Variants in NRCAM observed in about 807,000 individuals in gnomAD.
NRCAM encodes the protein neuronal cell adhesion molecule, also known as NgCAM-related cell adhesion molecule.
Under a neutral mutation model 156.5 loss-of-function variants are expected in NRCAM, and 83 were observed. The ratio of observed to expected loss-of-function variants is 0.53; its 90% CI spans 0.44 to 0.64. NRCAM has a LOEUF of 0.64. Ranked by LOEUF, NRCAM falls within the 30% of genes least tolerant of loss-of-function variation. The pLI, the probability that NRCAM is intolerant of heterozygous loss-of-function variation, is 0.00. For missense variants in NRCAM, 1,417 were observed against 1,597.3 expected (o/e 0.89, Z 1.92); for synonymous variants, 538 against 563.9 (o/e 0.95, Z 0.65).
intron 3 of NRCAM, among the ~76,000 whole-genome samples, chr7:108,285,159 T>G (rs1221266428): frequency 2.0e-5 from 3 of 152,168 alleles, no homozygotes; most frequent in Non-Finnish European, 2.9e-5. Flanking sequence ...TATTCCTCAG[T>G]CTCCTCCCTC....
chr7:108,231,030 C>A lies in NRCAM; in HGVS notation c.550+1G>T, dbSNP rs1473192200. 6.2e-7 allele frequency: 1 copy of A among 1,601,822 alleles called. No individual in the cohort carries two copies. The highest frequency in any genetic ancestry group is 8.5e-7 in the Non-Finnish European group (1 of 1,170,780). On this transcript the variant is annotated splice_donor_variant, in intron 8 of 32. Coordinates refer to ENST00000379028, the MANE Select transcript of NRCAM (RefSeq NM_001037132.4). LOFTEE classifies it high-confidence loss of function. ...AGAAAGTTCATATTATCAAAACTTA[C>A]AATTATCCATCCAAAATATTATAGG...
At chr7:108,280,370 A>T (rs982506065) in intron 3 of NRCAM, among the ~76,000 whole-genome samples, 2 of 152,222 alleles carry the variant, frequency 1.3e-5, no homozygotes, top group African/African-American at 4.8e-5. Flanking sequence ...TGCAGTTTTG[A>T]TAAGTAAATA....
upstream of NRCAM, chr7:108,456,691 A>T (rs1377682635): frequency 2.0e-5 from 3 of 152,116 alleles, no homozygotes; most frequent in Admixed American, 6.5e-5. Flanking sequence ...CCCCACCGCC[A>T]ACCTCCGTCA....
chr7:108,277,590 T>A (rs993471330), intron 3 of NRCAM, among the ~76,000 whole-genome samples: 5 of 152,088 alleles, frequency 3.3e-5, no homozygotes, highest in Admixed American at 6.5e-5. Context: ...CTCCATCAGG[T>A]CATTTGAGGT....
At chr7:108,271,450 C>A (rs1251268469) in intron 3 of NRCAM, among the ~76,000 whole-genome samples, 1 of 152,134 alleles carries the variant, frequency 6.6e-6, no homozygotes, top group Admixed American at 6.5e-5. Context: ...GTAATCCCAG[C>A]ACTTTGGGAG....
intron 28 of NRCAM, among the ~76,000 whole-genome samples, chr7:108,174,139 T>C (rs987117838): frequency 1.3e-5 from 2 of 152,244 alleles, no homozygotes; most frequent in African/African-American, 2.4e-5. Flanking sequence ...TACAAATAAA[T>C]AGAAGTAAGT....
rs59391934 is a variant in NRCAM at position 108,177,624 on chromosome 7, AATATATATATATATATAT to A, written c.2974+348_2974+365del. On this transcript the variant is annotated intron_variant, in intron 26 of 32. Transcript: ENST00000379028. ...GGTGACAGAGCGAGACTCCATCTCA[AATATATATATATATATAT>A]ATATATATATATATATATGTATATA... 4.8e-4 allele frequency among the ~76,000 whole-genome samples: 39 copies of A among 80,616 alleles called. 1 individual carries two copies. Among genetic ancestry groups the A allele is most frequent in the South Asian group, 4.7e-4 (1 of 2,120 alleles). The allele number at this position is 80,616 out of a possible 152,430, so 52.9% of individuals were successfully genotyped here.
chr7:108,158,673 G>GA (rs2046964037), intron 32 of NRCAM, among the ~76,000 whole-genome samples: 1 of 151,584 alleles, frequency 6.6e-6, no homozygotes, highest in Non-Finnish European at 1.5e-5. Flanking sequence ...CTTCTAAAAA[G>GA]AAAAAAACAA....
At chr7:108,344,358 C>T (rs750341158) in intron 2 of NRCAM, among the ~76,000 whole-genome samples, 1 of 152,080 alleles carries the variant, frequency 6.6e-6, no homozygotes, top group Non-Finnish European at 1.5e-5. Flanking sequence ...AATCATCTAT[C>T]GCCTGAGAGC....
chr7:108,265,122 G>A (rs1244899481), intron 3 of NRCAM, among the ~76,000 whole-genome samples: 3 of 152,182 alleles, frequency 2.0e-5, no homozygotes, highest in Non-Finnish European at 4.4e-5. Context: ...CTCATACAGG[G>A]CTTTGGGAGA....
At position 108,239,068 on chromosome 7, in the gene NRCAM, T is replaced by C. The variant is rs979713721; in HGVS notation, c.106+891A>G. Among the ~76,000 whole-genome samples, 6 of 152,178 alleles carry C rather than the reference T, an allele frequency of 3.9e-5. No individual in the cohort carries two copies. The East Asian group carries it at 7.7e-4, about 20-fold the overall frequency. On this transcript the variant is annotated intron_variant, in intron 4 of 32. Transcript: ENST00000379028. ...GAAGCTAATGGCTTCAAAGAGGTCA[T>C]GCAGATGAGGGATAAAGGAGAAATC...
At chr7:108,189,878 A>C in intron 19 of NRCAM, 132 bp from the exon 20 acceptor site, 1 of 551,738 alleles carries the variant, frequency 1.8e-6, no homozygotes, top group South Asian at 2.5e-5. Context: ...CATGCAACTG[A>C]AAGGAAATGT....
At chr7:108,404,586 C>CT (rs1238062856) in intron 1 of NRCAM, among the ~76,000 whole-genome samples, 1 of 152,134 alleles carries the variant, frequency 6.6e-6, no homozygotes, top group Non-Finnish European at 1.5e-5. Context: ...ATCCACTGAC[C>CT]CATATGCAGG....
intron 3 of NRCAM, among the ~76,000 whole-genome samples, chr7:108,265,942 G>A (rs1380246129): frequency 2.6e-5 from 4 of 152,232 alleles, no homozygotes; most frequent in Non-Finnish European, 5.9e-5. Flanking sequence ...AAAGCCAGTG[G>A]TCATGAAAGT....
At chr7:108,422,318 TTA>T (rs1811064796) in intron 1 of NRCAM, among the ~76,000 whole-genome samples, 1 of 152,188 alleles carries the variant, frequency 6.6e-6, no homozygotes, top group African/African-American at 2.4e-5. Flanking sequence ...TTTACATGGA[TTA>T]TCTTATTTCA....
chr7:108,413,786 C>T (rs1361851339), intron 1 of NRCAM, among the ~76,000 whole-genome samples: 1 of 152,118 alleles, frequency 6.6e-6, no homozygotes, highest in Non-Finnish European at 1.5e-5. Context: ...TGTATTGAGT[C>T]CAATTTTTCT....
Position 108,195,888 on chromosome 7 carries a change from A to C in NRCAM, c.1352-16T>G, listed in dbSNP as rs746350891. Reference sequence around the variant, plus strand: ...GGTGGCTCAGCTACAAATATTTTTAAAAGGTAAAGTAAATATTAGAATACA... The same window carrying C: ...GGTGGCTCAGCTACAAATATTTTTACAAGGTAAAGTAAATATTAGAATACA... On this transcript the variant is annotated splice_polypyrimidine_tract_variant and intron_variant, in intron 14 of 32. Transcript: ENST00000379028. The C allele has an allele frequency of 6.8e-7, 1 of 1,463,608 alleles. No individual in the cohort carries two copies. Among genetic ancestry groups the C allele is most frequent in the South Asian group, 1.2e-5 (1 of 86,930 alleles). 90.7% of individuals were successfully genotyped at this position (1,463,608 alleles called of 1,614,324 possible).
chr7:108,149,938 G>A lies in NRCAM; in HGVS notation c.3887C>T (p.Pro1296Leu). The change falls in exon 33 of 33, where the codon CCT (proline) becomes CTT (leucine). Residue 1296 changes from proline (P) to leucine (L), a missense_variant. Around this residue, in one of 2 missense-constraint regions of NRCAM, gnomAD observed 179 missense variants for 260.9 expected, o/e 0.69. Transcript: ENST00000379028. ...AACAAAGGAATTCATGGCGTTGACA[G>A]GAGAAGGTGCCTCTGAGCTTTCGTT... Reference protein sequence around the residue: ...EGNESSEAPSPVNAMNSFV With the variant: ...EGNESSEAPSLVNAMNSFV The A allele has an allele frequency of 6.2e-7, 1 of 1,612,452 alleles. No homozygotes were observed. The highest frequency in any genetic ancestry group is 8.5e-7 in the Non-Finnish European group (1 of 1,179,550).
intron 1 of NRCAM, among the ~76,000 whole-genome samples, chr7:108,411,291 T>A (rs1795017574): frequency 6.6e-6 from 1 of 152,196 alleles, no homozygotes; most frequent in Admixed American, 6.5e-5. Flanking sequence ...ATTTAAAGGA[T>A]GATACCCTTA....
Sources: gnomAD v4.1 joint callset for allele counts (sites outside exome capture counted in the v4.1 genomes callset) on GRCh38, gnomAD v4.1.1 for gene constraint, gnomAD v4.1.1 regional missense constraint, MANE v1.5 for transcripts, NCBI Gene and HGNC (gene_info 2026-07-23, HGNC 2026-07-21) for gene names.